The following PEAK1 variants were observed in gnomAD, a reference collection of about 807,000 sequenced individuals.
PEAK1 encodes inactive tyrosine-protein kinase PEAK1.
PEAK1 carries 54 observed loss-of-function variants against 124.7 expected under a neutral mutation model. The ratio of observed to expected loss-of-function variants is 0.43; its 90% confidence interval spans 0.35 to 0.54. PEAK1 has a LOEUF of 0.54. PEAK1 is among the 20% of genes least tolerant of loss of function. The pLI, the probability that PEAK1 is intolerant of heterozygous loss-of-function variation, is 0.01. For synonymous variants in PEAK1, 719 were observed against 760.0 expected, an observed-to-expected ratio of 0.95 and a Z score of 0.89; for missense variants, 2,046 against 2,134.5, an observed-to-expected ratio of 0.96 and a Z score of 0.82.
intron 6 of PEAK1, among the ~76,000 whole-genome samples, chr15:77,224,938 A>G (rs2059563008): frequency 6.6e-6 from 1 of 151,858 alleles, no homozygotes; most frequent in South Asian, 2.1e-4. Context: ...GTGGTCTCCT[A>G]TCTAATGTCT....
intron 6 of PEAK1, among the ~76,000 whole-genome samples, chr15:77,192,393 C>T (rs113430360): frequency 3.0e-4 from 45 of 152,286 alleles, no homozygotes; most frequent in African/African-American, 9.4e-4. Flanking sequence ...GAGCACATGA[C>T]AATAGGTTTC....
At chr15:77,412,569 TACAG>T (rs1380361809) in intron 1 of PEAK1, among the ~76,000 whole-genome samples, 1 of 152,218 alleles carries the variant, frequency 6.6e-6, no homozygotes, top group Non-Finnish European at 1.5e-5. Flanking sequence ...TATTTTTATA[TACAG>T]AAATACAGAT....
intron 7 of PEAK1, among the ~76,000 whole-genome samples, chr15:77,167,954 T>C (rs1454193120): frequency 6.6e-6 from 1 of 152,162 alleles, no homozygotes; most frequent in Non-Finnish European, 1.5e-5. Flanking sequence ...GTTCTCATTG[T>C]TCAATTCCCA....
At chr15:77,223,010 A>G (rs1231527284) in intron 6 of PEAK1, among the ~76,000 whole-genome samples, 1 of 151,894 alleles carries the variant, frequency 6.6e-6, no homozygotes, top group Admixed American at 6.6e-5. Flanking sequence ...CTCAGGCCCC[A>G]CTCCAGATTT....
chr15:77,292,391 T>C (rs11854466), intron 2 of PEAK1, among the ~76,000 whole-genome samples: 33,715 of 152,032 alleles, frequency 0.22, 4,199 homozygotes, highest in Middle Eastern at 0.3. Context: ...AACATACATA[T>C]TTCTTGCATA....
At chr15:77,142,475 A>T (rs1331089898) in intron 8 of PEAK1, among the ~76,000 whole-genome samples, 1 of 152,260 alleles carries the variant, frequency 6.6e-6, no homozygotes, top group Non-Finnish European at 1.5e-5. Context: ...ACCCAAGACA[A>T]CTGAAAACAT....
intron 5 of PEAK1, among the ~76,000 whole-genome samples, chr15:77,268,069 T>C (rs1435545808): frequency 6.6e-6 from 1 of 152,132 alleles, no homozygotes; most frequent in African/African-American, 2.4e-5. Flanking sequence ...CAAAATGCAA[T>C]GGAATGCCTC....
At chr15:77,165,811 T>C (rs1238387555) in intron 7 of PEAK1, among the ~76,000 whole-genome samples, 1 of 152,186 alleles carries the variant, frequency 6.6e-6, no homozygotes, top group East Asian at 1.9e-4. Flanking sequence ...AATTCTCATT[T>C]TACAGATGAG....
chr15:77,314,494 T>G (rs1409827628), intron 2 of PEAK1, among the ~76,000 whole-genome samples: 1 of 151,972 alleles, frequency 6.6e-6, no homozygotes, highest in African/African-American at 2.4e-5. Context: ...CTCAGCCTCC[T>G]GAGTAGCTGG....
chr15:77,324,597 G>A (rs192159803), intron 2 of PEAK1, among the ~76,000 whole-genome samples: 1 of 152,276 alleles, frequency 6.6e-6, no homozygotes, highest in Admixed American at 6.5e-5. Flanking sequence ...GGCTTATAGT[G>A]CTGTAGGCTA....
chr15:77,420,726 A>G, upstream of PEAK1: 1 of 396,326 alleles, frequency 2.5e-6, no homozygotes, highest in Non-Finnish European at 4.4e-6. Context: ...TAATCCCTTC[A>G]TTTTTGTGAA....
Position 77,134,102 on chromosome 15 carries a change from C to G in PEAK1, c.3332-352G>C, listed in dbSNP as rs79756793. Among the ~76,000 whole-genome samples, 1,114 of 152,150 alleles carry G rather than the reference C, an allele frequency of 7.3e-3. 15 individuals are homozygous for G. Among genetic ancestry groups the G allele is most frequent in the African/African-American group, 0.025 (1,058 of 41,494 alleles). ...AGAATATTAAGGGATGACAGACACT[C>G]GAATATACTTGGATTGTGACAGAGT... is the stretch of plus-strand genomic sequence containing the variant. On this transcript the variant is annotated intron_variant, in intron 8 of 9. Coordinates refer to ENST00000682557, the MANE Select transcript of PEAK1 (RefSeq NM_001385026.1).
intron 1 of PEAK1, among the ~76,000 whole-genome samples, chr15:77,373,756 A>T (rs1460382282): frequency 6.6e-6 from 1 of 152,226 alleles, no homozygotes; most frequent in Admixed American, 6.5e-5. Flanking sequence ...GCCTCTTCAT[A>T]GCCAAAGCAC....
At chr15:77,386,648 A>G (rs2069969089) in intron 1 of PEAK1, among the ~76,000 whole-genome samples, 1 of 152,212 alleles carries the variant, frequency 6.6e-6, no homozygotes, top group African/African-American at 2.4e-5. Context: ...ATAAAATGAG[A>G]GACTCAGAGA....
rs961484128 is a variant in PEAK1, at chr15:77,334,605, A to G, written c.-603+30558T>C. ...CATATTGTCTCTAGCATAAATGCCT[A>G]CAATTACGAAAAGTCCAGCAGGAAA... On this transcript the variant is annotated intron_variant, in intron 2 of 9. Transcript: ENST00000682557. 6 of 985,246 alleles carry G rather than the reference A, an allele frequency of 6.1e-6. No individual in the cohort carries two copies. In the Admixed American group the frequency reaches 2.5e-4, roughly 40 times the overall value. 61.0% of individuals were successfully genotyped at this position (985,246 alleles called of 1,614,324 possible).
chr15:77,240,372 C>A (rs2060300829), intron 6 of PEAK1, among the ~76,000 whole-genome samples: 1 of 151,926 alleles, frequency 6.6e-6, no homozygotes, highest in Non-Finnish European at 1.5e-5. Flanking sequence ...GTAATCCAAG[C>A]CCTGTGGGAG....
chr15:77,309,505 A>G (rs1399715448), intron 2 of PEAK1, among the ~76,000 whole-genome samples: 1 of 152,166 alleles, frequency 6.6e-6, no homozygotes, highest in Non-Finnish European at 1.5e-5. Flanking sequence ...TGCTGAATAC[A>G]TTGCATTTCT....
intron 2 of PEAK1, among the ~76,000 whole-genome samples, chr15:77,324,620 A>G (rs2065452775): frequency 1.3e-5 from 2 of 152,206 alleles, no homozygotes; most frequent in South Asian, 4.1e-4. Flanking sequence ...CAGGAAGCAC[A>G]GCAGCATCTG....
At chr15:77,123,409 C>T (rs2052095120) in intron 9 of PEAK1, among the ~76,000 whole-genome samples, 1 of 152,138 alleles carries the variant, frequency 6.6e-6, no homozygotes, top group South Asian at 2.1e-4. Flanking sequence ...GTCATTTTTC[C>T]ATCAAGAAAC....
Sources: gnomAD v4.1 joint callset for allele counts (sites outside exome capture counted in the v4.1 genomes callset) on GRCh38, gnomAD v4.1.1 for gene constraint, MANE v1.5 for transcripts, NCBI Gene and HGNC (gene_info 2026-07-23, HGNC 2026-07-21) for gene names.